Variants in USH1C observed in about 807,000 individuals in gnomAD.
USH1C encodes the protein USH1 protein network component harmonin.
In USH1C, 90 loss-of-function variants were observed where a neutral mutation model predicts 119.3. The ratio of observed to expected loss-of-function variants is 0.75; its 90% CI spans 0.64 to 0.90. The LOEUF (loss-of-function observed/expected upper bound fraction) is 0.90, where lower values mean the gene tolerates loss of function less well. USH1C is among the 40% of genes least tolerant of loss of function. The pLI is 0.00. For missense variants in USH1C, 1,165 were observed against 1,167.7 expected, an observed-to-expected ratio of 1.00 and a Z score of 0.03; for synonymous variants, 465 against 443.3, an observed-to-expected ratio of 1.05 and a Z score of -0.62.
intron 13 of USH1C, 53 bp from the exon 14 acceptor site, chr11:17,521,047 T>A (rs979389792): frequency 3.7e-6 from 6 of 1,610,698 alleles, no homozygotes; most frequent in Non-Finnish European, 5.1e-6. Flanking sequence ...CATAGGCCCA[T>A]CTCCTGCATA....
intron 11 of USH1C, 39 bp from the exon 12 acceptor site, chr11:17,522,965 G>T: frequency 6.2e-7 from 1 of 1,600,194 alleles, no homozygotes; most frequent in South Asian, 1.1e-5. Flanking sequence ...AGCCCCCGGG[G>T]AACCTGGGGA....
intron 20 of USH1C, among the ~76,000 whole-genome samples, chr11:17,502,217 T>G (rs1565023511): frequency 6.6e-6 from 1 of 152,116 alleles, no homozygotes; most frequent in Non-Finnish European, 1.5e-5. Flanking sequence ...GACCCTGCCC[T>G]GCTTCAGCGG....
intron 24 of USH1C, 105 bp from the exon 25 acceptor site, chr11:17,496,918 G>T: frequency 7.2e-7 from 1 of 1,384,260 alleles, no homozygotes; most frequent in Non-Finnish European, 1.0e-6. Context: ...GATCAGCCAG[G>T]CTGCACCTTC....
chr11:17,504,149 G>C lies in USH1C; in HGVS notation c.2184+498C>G, dbSNP rs527710410. 5.3e-5 allele frequency among the ~76,000 whole-genome samples: 8 copies of C among 152,308 alleles called. No homozygotes were observed. In the South Asian group the frequency reaches 1.7e-3, roughly 32 times the overall value. On this transcript the variant is annotated intron_variant, in intron 20 of 26. Coordinates refer to ENST00000005226, the MANE Select transcript of USH1C (RefSeq NM_153676.4). ...GACCAGCAAGGACTTCCACGTCCCT[G>C]TGCACAGGAGTGCCCTAGGCACAGG...
chr11:17,497,148 G>A (rs1236838055), intron 24 of USH1C, among the ~76,000 whole-genome samples: 2 of 151,980 alleles, frequency 1.3e-5, no homozygotes, highest in African/African-American at 2.4e-5. Flanking sequence ...CAGAAGTCAA[G>A]GGTGAGTCCT....
chr11:17,521,085 AAGCCTCATGGTTCTAGTC>A, intron 13 of USH1C, 91 bp from the exon 14 acceptor site: 1 of 1,560,384 alleles, frequency 6.4e-7, no homozygotes, highest in South Asian at 1.1e-5. Flanking sequence ...GCCTGGGGAG[AAGCCTCATGGTTCTAGTC>A]ATGATGAATC....
rs59152937 is a variant in USH1C at position 17,534,873 on chromosome 11, C to CAA, written c.37-1553_37-1552dup. ...TGGGTGACAGAGCGAGACTCCATCT[C>CAA]AAAAAAAAAAAAAAAAAAAGGAGCT... is the stretch of plus-strand genomic sequence containing the variant. On this transcript the variant is annotated intron_variant, in intron 1 of 26. Transcript: ENST00000005226. Among the ~76,000 whole-genome samples, 663 of 120,554 alleles carry CAA rather than the reference C, an allele frequency of 5.5e-3. 9 individuals carry two copies. Among genetic ancestry groups the CAA allele is most frequent in the South Asian group, 8.2e-3 (28 of 3,424 alleles). 79.1% of individuals were successfully genotyped at this position (120,554 alleles called of 152,430 possible).
At chr11:17,542,191 C>T (rs1488533451) in intron 1 of USH1C, among the ~76,000 whole-genome samples, 3 of 152,254 alleles carry the variant, frequency 2.0e-5, no homozygotes, top group Admixed American at 6.5e-5. Flanking sequence ...TCCATTATAA[C>T]ACACTACCTT....
At position 17,504,693 on chromosome 11, in the gene USH1C, T is replaced by C. The variant is rs1554955501; in HGVS notation, c.2138A>G (p.Gln713Arg). The C allele has an allele frequency of 6.2e-7, 1 of 1,613,778 alleles. No homozygotes were observed. Among genetic ancestry groups the C allele is most frequent in the Admixed American group, 1.7e-5 (1 of 59,990 alleles). ...RPAVKSEVLP[Q>R]EMLKRMVVYQ... ...AACCACCATCCTCTTCAACATCTCCTGTGGCTGCCAGAGGAAAAAAAAAAA... is the reference window on the plus strand; with the variant it reads ...AACCACCATCCTCTTCAACATCTCCCGTGGCTGCCAGAGGAAAAAAAAAAA... The change falls in exon 20 of 27, where the codon CAG becomes CGG. Residue 713 changes from glutamine to arginine, a missense_variant. Transcript: ENST00000005226.
rs397517879 is a variant in USH1C at position 17,531,277 on chromosome 11, C to T, written c.264G>A (p.Val88=). The T allele has an allele frequency of 3.1e-6, 5 of 1,614,144 alleles. No individual in the cohort carries two copies. Among genetic ancestry groups the T allele is most frequent in the Non-Finnish European group, 4.2e-6 (5 of 1,180,048 alleles). The change falls in exon 4 of 27, where the codon GTG becomes GTA. Residue 88 remains valine, a synonymous_variant. Coordinates refer to ENST00000005226, the MANE Select transcript of USH1C (RefSeq NM_153676.4). This position sits in a 1 kb window ranked among gnomAD's most constrained non-coding sequence, Gnocchi z 4.2. ...TPRRSRKLKE[V]RLDRLHPEGL... is the part of the protein sequence containing the mutation. ...CTTCGGGGTGCAGACGGTCCAGACG[C>T]ACCTCCTTCAGCTTCCTGCCACACA...
intron 9 of USH1C, 70 bp from the exon 10 acceptor site, chr11:17,523,548 T>C: frequency 6.8e-7 from 1 of 1,481,416 alleles, no homozygotes; most frequent in Non-Finnish European, 9.4e-7. Flanking sequence ...CAGGACAGGC[T>C]CCCCCAGGGG....
chr11:17,498,092 C>T, intron 24 of USH1C, 70 bp downstream of exon 24: 1 of 1,442,616 alleles, frequency 6.9e-7, no homozygotes, highest in Non-Finnish European at 9.8e-7. Flanking sequence ...TATTGTGAGA[C>T]CTGGCTGCAG....
chr11:17,516,220 C>T (rs1356758313), intron 15 of USH1C, 21 bp downstream of exon 15: 1 of 1,613,490 alleles, frequency 6.2e-7, no homozygotes, highest in African/African-American at 1.3e-5. Flanking sequence ...CACACCAGCA[C>T]AGCACCCAAC....
intron 1 of USH1C, among the ~76,000 whole-genome samples, chr11:17,538,831 G>A (rs991115657): frequency 6.6e-6 from 1 of 152,148 alleles, no homozygotes; most frequent in Non-Finnish European, 1.5e-5. Context: ...AGTTAGGCAG[G>A]TTCCTCCACC....
At chr11:17,518,125 T>C (rs1344252271) in intron 14 of USH1C, among the ~76,000 whole-genome samples, 1 of 152,280 alleles carries the variant, frequency 6.6e-6, no homozygotes. Context: ...TGTGAGCTGC[T>C]TTTTAATATT....
chr11:17,499,898 C>T (rs978570952), intron 23 of USH1C, among the ~76,000 whole-genome samples: 1 of 152,216 alleles, frequency 6.6e-6, no homozygotes, highest in African/African-American at 2.4e-5. Flanking sequence ...TGGCTCCAGC[C>T]TAGGACTGCC....
At chr11:17,525,350 T>C (rs1043545203) in intron 8 of USH1C, among the ~76,000 whole-genome samples, 2 of 152,236 alleles carry the variant, frequency 1.3e-5, no homozygotes, top group Non-Finnish European at 2.9e-5. Flanking sequence ...GGTGGGACTT[T>C]TTATCACTTG....
In USH1C at chr11:17,509,828, C is replaced by T. The variant is rs941031923; in HGVS notation, c.1541G>A (p.Gly514Glu). 4.4e-6 allele frequency: 7 copies of T among 1,594,992 alleles called. No homozygotes were observed. The highest frequency in any genetic ancestry group is 5.9e-6 in the Non-Finnish European group (7 of 1,177,242). Residue 514 changes from glycine (G) to glutamate (E), a missense_variant, in exon 18 of 27, where the codon GGG becomes GAG. Physicochemically the swap from Gly to Glu is moderately conservative, Grantham distance 98. Coordinates refer to ENST00000005226, the MANE Select transcript of USH1C (RefSeq NM_153676.4). Reference sequence around the variant, plus strand: ...CACAGAAGGCGGGGGAGGCGGGGGCCCTGTGGTCATCTGGGGGTGTTGCAA... The same window carrying T: ...CACAGAAGGCGGGGGAGGCGGGGGCTCTGTGGTCATCTGGGGGTGTTGCAA... ...ADNEISEMTT[G>E]PPPPPPSVSP... is the part of the protein sequence containing the mutation.
chr11:17,528,104 G>A (rs58887025), intron 4 of USH1C, among the ~76,000 whole-genome samples: 2,058 of 152,344 alleles, frequency 0.014, 42 homozygotes, highest in African/African-American at 0.047. Context: ...CAAGGTTGCT[G>A]TGAGAATTAA....
Sources: gnomAD v4.1 joint callset for allele counts (sites outside exome capture counted in the v4.1 genomes callset) on GRCh38, gnomAD v4.1.1 for gene constraint, Gnocchi (gnomAD v3.1) non-coding constraint, MANE v1.5 for transcripts, NCBI Gene and HGNC (gene_info 2026-07-23, HGNC 2026-07-21) for gene names.